Variants in XRCC2 observed in about 807,000 individuals in gnomAD.
The protein encoded by XRCC2 is DNA repair protein XRCC2.
XRCC2 carries 24 observed loss-of-function variants against 27.3 expected under a neutral mutation model. The observed-to-expected ratio is 0.88, with a 90% CI of 0.64 to 1.24. XRCC2 has a LOEUF of 1.24. Among genes scored for constraint, XRCC2 ranks in the 50% most tolerant of loss-of-function variants. XRCC2 has a pLI of 0.00. For missense variants in XRCC2, 321 were observed against 325.8 expected (o/e 0.99, Z 0.11); for synonymous variants, 106 against 115.4 (o/e 0.92, Z 0.52).
In XRCC2 at chr7:152,674,922, CTTTA is replaced by C. The variant is rs1328862904; in HGVS notation, c.39+1115_39+1118del. Among the ~76,000 whole-genome samples the C allele has an allele frequency of 4.0e-5, 6 of 151,626 alleles. No homozygotes were observed. The East Asian group carries it at 7.7e-4, about 19-fold the overall frequency. On this transcript the variant is annotated intron_variant, in intron 1 of 2. Transcript: ENST00000359321. ...GCTTTATTGGAACGCTGCCATGTGC[CTTTA>C]TTTATCTATGACTGCCTTCCCATTA...
intron 2 of XRCC2, among the ~76,000 whole-genome samples, chr7:152,655,556 A>G (rs2098030362): frequency 6.6e-6 from 1 of 152,232 alleles, no homozygotes; most frequent in African/African-American, 2.4e-5. Flanking sequence ...AAAATACACA[A>G]AAATTAGTCT....
intron 2 of XRCC2, among the ~76,000 whole-genome samples, chr7:152,654,013 T>G (rs987595951): frequency 1.3e-5 from 2 of 151,778 alleles, no homozygotes; most frequent in African/African-American, 2.4e-5. Context: ...CTGGCCAACA[T>G]GAAGAAACCC....
At chr7:152,662,991 G>A (rs3218459) in intron 1 of XRCC2, among the ~76,000 whole-genome samples, 1 of 152,120 alleles carries the variant, frequency 6.6e-6, no homozygotes, top group African/African-American at 2.4e-5. Context: ...GAAGCACTGT[G>A]CTAGGTAAAA....
At chr7:152,662,798 C>A (rs371382628) in intron 1 of XRCC2, among the ~76,000 whole-genome samples, 2 of 151,660 alleles carry the variant, frequency 1.3e-5, no homozygotes, top group East Asian at 1.9e-4. Flanking sequence ...TGGTCTCGAT[C>A]TCCTGACCTC....
rs1278612848 is a variant in XRCC2 at position 152,648,048 on chromosome 7, AAT to A, written c.*592_*593del. The A allele has an allele frequency of 8.5e-5, 13 of 152,218 alleles. No homozygotes were observed. Among genetic ancestry groups the A allele is most frequent in the Admixed American group, 7.9e-4 (12 of 15,270 alleles). 9.4% of individuals were successfully genotyped at this position (152,218 alleles called of 1,614,324 possible). A position where few individuals can be genotyped will look rare whatever the true frequency, so the allele number is the denominator to read the frequency against. ...CTTTGATTCAACAGCCTAGAAACAG[AAT>A]AGTCTTTACTTTTACTGTGCTAGTT... On this transcript the variant is annotated 3_prime_UTR_variant, in exon 3 of 3. Transcript: ENST00000359321.
intron 2 of XRCC2, among the ~76,000 whole-genome samples, chr7:152,649,900 C>G (rs1354052098): frequency 6.6e-6 from 1 of 152,180 alleles, no homozygotes; most frequent in Non-Finnish European, 1.5e-5. Flanking sequence ...CCGCACCCTC[C>G]TGTGGGGGTG....
rs117035038 is a variant in XRCC2 at position 152,675,156 on chromosome 7, C to T, written c.39+885G>A. 4.1e-4 allele frequency among the ~76,000 whole-genome samples: 62 copies of T among 152,234 alleles called. 1 individual carries two copies. The East Asian group carries it at 0.011, about 27-fold the overall frequency. On this transcript the variant is annotated intron_variant, in intron 1 of 2. Coordinates refer to ENST00000359321, the MANE Select transcript of XRCC2 (RefSeq NM_005431.2). ...CCTCACTCCCTTTGTTCCAATTTTA[C>T]AGAAATACTTGCAGTTATCTAAATT...
intron 1 of XRCC2, among the ~76,000 whole-genome samples, chr7:152,675,653 T>C (rs1163239438): frequency 6.6e-6 from 1 of 152,132 alleles, no homozygotes; most frequent in African/African-American, 2.4e-5. Flanking sequence ...GGGCGACCCC[T>C]CCCCTTTTCT....
intron 2 of XRCC2, among the ~76,000 whole-genome samples, chr7:152,652,186 A>G (rs903632218): frequency 2.0e-5 from 3 of 151,828 alleles, no homozygotes; most frequent in Non-Finnish European, 4.4e-5. Context: ...AAAGAAAAAA[A>G]AAAAGATTCT....
chr7:152,653,507 A>G (rs1357630267), intron 2 of XRCC2, among the ~76,000 whole-genome samples: 1 of 152,118 alleles, frequency 6.6e-6, no homozygotes, highest in Non-Finnish European at 1.5e-5. Context: ...TCGCCCAGGC[A>G]AGAGTGTAGT....
At chr7:152,668,673 T>C (rs908319538) in intron 1 of XRCC2, among the ~76,000 whole-genome samples, 1 of 152,196 alleles carries the variant, frequency 6.6e-6, no homozygotes, top group Non-Finnish European at 1.5e-5. Flanking sequence ...CTAAGCAACC[T>C]TTCCGAGGCA....
chr7:152,656,785 T>C (rs1377364533), intron 2 of XRCC2, among the ~76,000 whole-genome samples: 2 of 152,210 alleles, frequency 1.3e-5, no homozygotes, highest in Admixed American at 6.5e-5. Context: ...ACATATTTGA[T>C]CAAAATTTGT....
intron 2 of XRCC2, among the ~76,000 whole-genome samples, chr7:152,659,608 T>C (rs2098032199): frequency 6.9e-6 from 1 of 145,056 alleles, no homozygotes; most frequent in Non-Finnish European, 1.5e-5. Context: ...GAGATAACAC[T>C]TCATACTGAC....
chr7:152,649,161 G>C lies in XRCC2; in HGVS notation c.324C>G (p.Ile108Met), dbSNP rs988717333. 2 of 1,613,524 alleles carry C rather than the reference G, an allele frequency of 1.2e-6. No individual in the cohort carries two copies. Among genetic ancestry groups the C allele is most frequent in the Middle Eastern group, 1.6e-4 (1 of 6,084 alleles). The change falls in exon 3 of 3, where the codon ATC (isoleucine) becomes ATG (methionine). Residue 108 changes from isoleucine (I) to methionine (M), a missense_variant. Ile to Met is a conservative substitution (Grantham distance 10, BLOSUM62 1). Coordinates refer to ENST00000359321, the MANE Select transcript of XRCC2 (RefSeq NM_005431.2). ...AAAAAAATCTTCCCAGGCAGTATTTGATTATTTCTTCAGAGCTTTGGGATA... is the reference window on the plus strand; with the variant it reads ...AAAAAAATCTTCCCAGGCAGTATTTCATTATTTCTTCAGAGCTTTGGGATA... The part of the protein sequence containing the change: ...HRLSQSSEEI[I>M]KYCLGRFFLV...
At chr7:152,666,141 T>C (rs3218438) in intron 1 of XRCC2, among the ~76,000 whole-genome samples, 10,460 of 152,294 alleles carry the variant, frequency 0.069, 437 homozygotes, top group Middle Eastern at 0.12. Flanking sequence ...TGTACATGAA[T>C]GTAAATATTT....
At chr7:152,660,563 C>A in intron 2 of XRCC2, 138 bp downstream of exon 2, 1 of 654,448 alleles carries the variant, frequency 1.5e-6, no homozygotes, top group Non-Finnish European at 2.4e-6. Context: ...CTTTCTGTCA[C>A]AACCTGTGTC....
At chr7:152,651,461 G>A (rs1008340775) in intron 2 of XRCC2, among the ~76,000 whole-genome samples, 2 of 151,342 alleles carry the variant, frequency 1.3e-5, no homozygotes, top group African/African-American at 2.4e-5. Context: ...CCATGGTGGT[G>A]TGCATCAGTA....
intron 2 of XRCC2, 88 bp from the exon 3 acceptor site, chr7:152,649,451 C>T: frequency 7.0e-6 from 10 of 1,436,148 alleles, no homozygotes; most frequent in Non-Finnish European, 9.3e-6. Context: ...TTTAAAAAGA[C>T]ACTTACTGGA....
chr7:152,665,690 C>T (rs993336435), intron 1 of XRCC2, among the ~76,000 whole-genome samples: 2 of 151,790 alleles, frequency 1.3e-5, no homozygotes, highest in African/African-American at 2.4e-5. Context: ...CTATGTTGCC[C>T]AGGCTGGTCT....
Sources: allele counts gnomAD v4.1 joint callset (sites outside exome capture counted in the v4.1 genomes callset), GRCh38; gene constraint gnomAD v4.1.1; transcripts MANE v1.5; gene names NCBI Gene and HGNC (gene_info 2026-07-23, HGNC 2026-07-21).